The following MICU1 variants were observed in gnomAD, a reference collection of about 807,000 sequenced individuals.
The protein encoded by MICU1 is calcium uptake protein 1, mitochondrial.
MICU1 carries 45 observed loss-of-function variants against 56.8 expected under a neutral mutation model. The ratio of observed to expected loss-of-function variants is 0.79; its 90% CI spans 0.62 to 1.02. The LOEUF (loss-of-function observed/expected upper bound fraction) is 1.02. Among genes scored for constraint, MICU1 ranks in the 50% least tolerant of loss-of-function variants. MICU1 has a pLI of 0.00. For missense variants in MICU1, 504 were observed against 587.1 expected, an observed-to-expected ratio of 0.86 and a Z score of 1.46; for synonymous variants, 186 against 195.1, an observed-to-expected ratio of 0.95 and a Z score of 0.39.
chr10:72,568,916 G>C (rs1179334382), intron 1 of MICU1, among the ~76,000 whole-genome samples: 1 of 150,556 alleles, frequency 6.6e-6, no homozygotes, highest in Non-Finnish European at 1.5e-5. Context: ...ACCACACCTG[G>C]CTAATTTTTG....
intron 5 of MICU1, among the ~76,000 whole-genome samples, chr10:72,529,739 TGAAA>T (rs1203917887): frequency 2.0e-5 from 3 of 152,038 alleles, no homozygotes; most frequent in African/African-American, 7.2e-5. Context: ...AATGATTACA[TGAAA>T]GAAATATTTA....
At chr10:72,588,702 T>G (rs182641260) in intron 1 of MICU1, among the ~76,000 whole-genome samples, 4 of 152,342 alleles carry the variant, frequency 2.6e-5, no homozygotes, top group Admixed American at 1.3e-4. Flanking sequence ...TTTGACGAGA[T>G]AATGCTTGGC....
intron 8 of MICU1, among the ~76,000 whole-genome samples, chr10:72,437,667 G>C (rs1475577794): frequency 2.0e-5 from 3 of 152,264 alleles, no homozygotes; most frequent in East Asian, 3.9e-4. Context: ...CATGTGCAAA[G>C]ACACACATGG....
chr10:72,613,776 T>C (rs1211647669), intron 1 of MICU1, among the ~76,000 whole-genome samples: 1 of 152,142 alleles, frequency 6.6e-6, no homozygotes, highest in East Asian at 1.9e-4. Context: ...CTCTAAACAG[T>C]CTCTCTTAAT....
chr10:72,417,396 G>C (rs1263776695), intron 9 of MICU1, among the ~76,000 whole-genome samples: 1 of 150,640 alleles, frequency 6.6e-6, no homozygotes, highest in Admixed American at 6.6e-5. Context: ...GGAGCTTGCA[G>C]TGAGCCGAGA....
chr10:72,615,890 G>C lies in MICU1; in HGVS notation c.-2+10120C>G, dbSNP rs557074840. ...TGTAGTCCCAGCTACTTGGAAGGCT[G>C]AGGCAGGAGAATGGCGTGAACCCGG... On this transcript the variant is annotated intron_variant, in intron 1 of 11. Coordinates refer to ENST00000361114, the MANE Select transcript of MICU1 (RefSeq NM_001195518.2). Among the ~76,000 whole-genome samples the C allele has an allele frequency of 1.2e-3, 186 of 152,308 alleles. 1 individual carries two copies. The highest frequency in any genetic ancestry group is 4.0e-3 in the African/African-American group (167 of 41,576).
At chr10:72,464,922 G>A (rs946274801) in intron 8 of MICU1, among the ~76,000 whole-genome samples, 1 of 152,112 alleles carries the variant, frequency 6.6e-6, no homozygotes, top group African/African-American at 2.4e-5. Flanking sequence ...ACCCCATGAA[G>A]TGTATATATA....
At chr10:72,478,399 C>T (rs1227351332) in intron 6 of MICU1, among the ~76,000 whole-genome samples, 1 of 152,142 alleles carries the variant, frequency 6.6e-6, no homozygotes, top group African/African-American at 2.4e-5. Context: ...GCCCTCCTCC[C>T]TTCCCATACT....
intron 1 of MICU1, among the ~76,000 whole-genome samples, chr10:72,618,911 C>A (rs369976056): frequency 6.6e-5 from 10 of 152,088 alleles, no homozygotes; most frequent in South Asian, 2.1e-4. Context: ...ATTATCAGTT[C>A]ATCTGTCTGT....
intron 1 of MICU1, among the ~76,000 whole-genome samples, chr10:72,576,693 G>T (rs1392313720): frequency 1.3e-5 from 2 of 152,218 alleles, no homozygotes; most frequent in African/African-American, 2.4e-5. Context: ...GAGATTTTCA[G>T]TGTAGACAAA....
intron 6 of MICU1, among the ~76,000 whole-genome samples, chr10:72,485,372 C>T (rs1866434879): frequency 6.6e-6 from 1 of 151,884 alleles, no homozygotes; most frequent in African/African-American, 2.4e-5. Flanking sequence ...GCCATCTTGC[C>T]TGGCCAAATA....
At chr10:72,542,610 C>T (rs1224854103) in intron 4 of MICU1, among the ~76,000 whole-genome samples, 1 of 152,204 alleles carries the variant, frequency 6.6e-6, no homozygotes, top group African/African-American at 2.4e-5. Flanking sequence ...CCTGCAATTC[C>T]TGAAGCCCCA....
intron 1 of MICU1, among the ~76,000 whole-genome samples, chr10:72,614,427 G>A (rs1453688952): frequency 6.6e-6 from 1 of 152,216 alleles, no homozygotes; most frequent in Non-Finnish European, 1.5e-5. Context: ...GTACAGCCAT[G>A]CTCAAAGCAG....
chr10:72,522,828 T>C (rs1433190518), intron 5 of MICU1, among the ~76,000 whole-genome samples: 1 of 152,170 alleles, frequency 6.6e-6, no homozygotes, highest in African/African-American at 2.4e-5. Flanking sequence ...GGATTCATAC[T>C]AGTGTCACCA....
intron 8 of MICU1, among the ~76,000 whole-genome samples, chr10:72,426,087 G>C (rs1208065347): frequency 6.6e-6 from 1 of 152,100 alleles, no homozygotes; most frequent in Non-Finnish European, 1.5e-5. Flanking sequence ...GCATGATCTT[G>C]GCTCCCTACA....
chr10:72,488,880 T>C (rs1866558482), intron 6 of MICU1, among the ~76,000 whole-genome samples: 1 of 152,192 alleles, frequency 6.6e-6, no homozygotes, highest in African/African-American at 2.4e-5. Context: ...AGACAAAATA[T>C]CTATTCTCCT....
chr10:72,481,711 C>G (rs1388312663), intron 6 of MICU1, among the ~76,000 whole-genome samples: 4 of 152,186 alleles, frequency 2.6e-5, no homozygotes, highest in Admixed American at 6.5e-5. Context: ...AGCGCCCACC[C>G]TGAAAAAGGA....
At chr10:72,447,673 T>TA (rs978675735) in intron 8 of MICU1, among the ~76,000 whole-genome samples, 2 of 150,612 alleles carry the variant, frequency 1.3e-5, no homozygotes, top group South Asian at 2.1e-4. Context: ...AGGCAGAAGT[T>TA]AAAAAAAAAG....
At chr10:72,518,515 A>G (rs970459201) in intron 5 of MICU1, among the ~76,000 whole-genome samples, 2 of 152,144 alleles carry the variant, frequency 1.3e-5, no homozygotes, top group African/African-American at 4.8e-5. Flanking sequence ...ACACACTTCA[A>G]TTCTATTGTA....
Sources: allele counts gnomAD v4.1 joint callset (sites outside exome capture counted in the v4.1 genomes callset), GRCh38; gene constraint gnomAD v4.1.1; transcripts MANE v1.5; gene names NCBI Gene and HGNC (gene_info 2026-07-23, HGNC 2026-07-21).